Variants in MKS1 observed in about 807,000 individuals in gnomAD.
MKS1 encodes tectonic-like complex member MKS1.
In MKS1, 70 loss-of-function variants were observed where a neutral mutation model predicts 83.7. The ratio of observed to expected loss-of-function variants is 0.84; its 90% CI spans 0.69 to 1.02. The LOEUF (loss-of-function observed/expected upper bound fraction) is 1.02, where lower values mean the gene tolerates loss of function less well. Ranked by LOEUF, MKS1 falls within the 50% of genes least tolerant of loss-of-function variation. The probability of loss-of-function intolerance (pLI) is 0.00; values close to 1 mark genes in which losing one functional copy is unlikely to be tolerated. For synonymous variants in MKS1, 251 were observed against 273.4 expected (o/e 0.92, Z 0.81); for missense variants, 681 against 726.9 (o/e 0.94, Z 0.73).
chr17:58,207,465 C>G (rs1225065124), intron 14 of MKS1: 2 of 583,946 alleles, frequency 3.4e-6, no homozygotes, highest in African/African-American at 3.7e-5. Context: ...CTCTCTGAAG[C>G]TCATTCTCCT....
chr17:58,213,097 G>C lies in MKS1; in HGVS notation c.750-7C>G. 1 of 1,613,638 alleles carries C rather than the reference G, an allele frequency of 6.2e-7. No homozygotes were observed. The highest frequency in any genetic ancestry group is 8.5e-7 in the Non-Finnish European group (1 of 1,179,584). ...CTCCCCCTCCGTCTCAATCCTGTAA[G>C]GTCAAAACCACAGAAAGGAGCAACT... On this transcript the variant is annotated splice_region_variant and splice_polypyrimidine_tract_variant and intron_variant, in intron 7 of 17. Coordinates refer to ENST00000393119, the MANE Select transcript of MKS1 (RefSeq NM_017777.4).
chr17:58,218,434 C>G lies in MKS1; in HGVS notation c.190+186G>C, dbSNP rs1249361575. On this transcript the variant is annotated intron_variant, in intron 2 of 17. Coordinates refer to ENST00000393119, the MANE Select transcript of MKS1 (RefSeq NM_017777.4). ...CTGCACTTCAGCCTGGGGGAAAGAG[C>G]AAGACTCCGTCTCAAAAAAAAAAAA... 5 of 403,138 alleles carry G rather than the reference C, an allele frequency of 1.2e-5. No individual in the cohort carries two copies. In the African/African-American group the frequency reaches 1.5e-4, roughly 12 times the overall value. 25.0% of individuals were successfully genotyped at this position (403,138 alleles called of 1,614,324 possible). A position where few individuals can be genotyped will look rare whatever the true frequency, so the allele number is the denominator to read the frequency against.
chr17:58,206,367 A>G lies in MKS1; in HGVS notation c.1504T>C (p.Ser502Pro), dbSNP rs1968507983. Reference sequence around the variant, plus strand: ...CGCATCCTTTTCTGAAGGGAGCTCGATTCCATGAAGGCCCTGCAGGGAGGC... The same window carrying G: ...CGCATCCTTTTCTGAAGGGAGCTCGGTTCCATGAAGGCCCTGCAGGGAGGC... ...CLQQSRAFME[S>P]SSLQKRMRSV... is the part of the protein sequence containing the mutation. The change falls in exon 17 of 18, where the codon TCG becomes CCG. Residue 502 changes from serine (S) to proline (P), a missense_variant. Ser to Pro is a moderately conservative substitution (Grantham distance 74). Transcript: ENST00000393119. 2 of 1,614,042 alleles carry G rather than the reference A, an allele frequency of 1.2e-6. No homozygotes were observed. The highest frequency in any genetic ancestry group is 4.5e-5 in the East Asian group (2 of 44,830).
In MKS1 at chr17:58,205,963, C is replaced by G. The variant is rs1487105083; in HGVS notation, c.*116G>C. The G allele has an allele frequency of 7.8e-6, 12 of 1,528,808 alleles. No individual in the cohort carries two copies. Among genetic ancestry groups the G allele is most frequent in the Non-Finnish European group, 1.1e-5 (12 of 1,141,052 alleles). 94.7% of individuals were successfully genotyped at this position (1,528,808 alleles called of 1,614,324 possible). A position where few individuals can be genotyped will look rare whatever the true frequency, so the allele number is the denominator to read the frequency against. ...GCCAGCCGGGAATTTCCCAGCTTTT[C>G]TGGTTCTCAGCAGACCAACGTGGTC... On this transcript the variant is annotated 3_prime_UTR_variant, in exon 18 of 18. Coordinates refer to ENST00000393119, the MANE Select transcript of MKS1 (RefSeq NM_017777.4).
chr17:58,213,183 A>G, intron 7 of MKS1, 93 bp from the exon 8 acceptor site: 1 of 1,193,450 alleles, frequency 8.4e-7, no homozygotes, highest in African/African-American at 1.5e-5. Context: ...ATCAGGGGCC[A>G]TACACCTCAC....
chr17:58,217,547 G>A (rs72839967), intron 2 of MKS1, among the ~76,000 whole-genome samples: 6,731 of 152,260 alleles, frequency 0.044, 199 homozygotes, highest in Non-Finnish European at 0.067. Flanking sequence ...AGTGACTCAC[G>A]CCTGTAATCC....
At chr17:58,213,145 G>C (rs939162384) in intron 7 of MKS1, 55 bp from the exon 8 acceptor site, 14 of 1,542,938 alleles carry the variant, frequency 9.1e-6, no homozygotes, top group Admixed American at 1.7e-5. Flanking sequence ...GATGGGCCCT[G>C]GGATAGCTCC....
intron 15 of MKS1, 80 bp downstream of exon 15, chr17:58,207,005 T>C: frequency 6.3e-7 from 1 of 1,593,760 alleles, no homozygotes; most frequent in Non-Finnish European, 8.6e-7. Flanking sequence ...AACTAAGGGG[T>C]CTTGACCCAG....
chr17:58,207,725 T>C, intron 14 of MKS1, 169 bp downstream of exon 14: 1 of 705,168 alleles, frequency 1.4e-6, no homozygotes, highest in South Asian at 1.6e-5. Flanking sequence ...GCCACGTCAT[T>C]GTCGCTAATG....
At chr17:58,212,321 G>A in intron 9 of MKS1, 57 bp downstream of exon 9, 1 of 1,599,624 alleles carries the variant, frequency 6.3e-7, no homozygotes, top group Non-Finnish European at 8.6e-7. Flanking sequence ...CTCATCCACA[G>A]TCAGAATGCT....
chr17:58,208,238 A>G, intron 12 of MKS1, 64 bp from the exon 13 acceptor site: 3 of 1,418,502 alleles, frequency 2.1e-6, no homozygotes, highest in South Asian at 1.2e-5. Context: ...CTTGTGGCCA[A>G]TGACAAGGTT....
chr17:58,215,016 T>G (rs1293015541), intron 4 of MKS1, 178 bp from the exon 5 acceptor site: 1 of 897,174 alleles, frequency 1.1e-6, no homozygotes, highest in Non-Finnish European at 1.7e-6. Context: ...AAAGAAGATT[T>G]CTACCACATC....
At chr17:58,213,379 C>T (rs751339749) in intron 7 of MKS1, among the ~76,000 whole-genome samples, 1 of 152,144 alleles carries the variant, frequency 6.6e-6, no homozygotes, top group Non-Finnish European at 1.5e-5. Flanking sequence ...GAAAAATGGA[C>T]AGGTTGGGCC....
At chr17:58,214,955 G>A (rs950758947) in intron 4 of MKS1, 117 bp from the exon 5 acceptor site, 20 of 1,482,472 alleles carry the variant, frequency 1.3e-5, no homozygotes, top group African/African-American at 4.2e-5. Flanking sequence ...CACAGGTTCC[G>A]CCACCTCACA....
intron 2 of MKS1, among the ~76,000 whole-genome samples, chr17:58,217,196 C>T (rs1969269749): frequency 2.0e-5 from 3 of 152,216 alleles, no homozygotes; most frequent in South Asian, 4.1e-4. Flanking sequence ...GCCATGTTAG[C>T]CAGGCTGATC....
intron 14 of MKS1, 49 bp from the exon 15 acceptor site, chr17:58,207,267 G>T (rs1968577927): frequency 1.2e-6 from 2 of 1,611,078 alleles, no homozygotes; most frequent in Non-Finnish European, 8.5e-7. Context: ...AGGGCATGTG[G>T]CCCCTCACTG....
Position 58,205,634 on chromosome 17 carries a change from T to C in MKS1, c.*445A>G. 1 of 1,307,170 alleles carries C rather than the reference T, an allele frequency of 7.7e-7. No individual in the cohort carries two copies. Among genetic ancestry groups the C allele is most frequent in the Non-Finnish European group, 1.0e-6 (1 of 991,002 alleles). 81.0% of individuals were successfully genotyped at this position (1,307,170 alleles called of 1,614,324 possible). ...GGCTTCCCTGGAAAGAGGCTGAGAC[T>C]CACAGGCTGGGGATTTAAGACCCTC... On this transcript the variant is annotated 3_prime_UTR_variant, in exon 18 of 18. Coordinates refer to ENST00000393119, the MANE Select transcript of MKS1 (RefSeq NM_017777.4).
chr17:58,213,098 G>T lies in MKS1; in HGVS notation c.750-8C>A, dbSNP rs1323177668. On this transcript the variant is annotated splice_region_variant and splice_polypyrimidine_tract_variant and intron_variant, in intron 7 of 17. Coordinates refer to ENST00000393119, the MANE Select transcript of MKS1 (RefSeq NM_017777.4). ...TCCCCCTCCGTCTCAATCCTGTAAG[G>T]TCAAAACCACAGAAAGGAGCAACTC... The T allele has an allele frequency of 1.2e-6, 2 of 1,613,370 alleles. No individual in the cohort carries two copies. Among genetic ancestry groups the T allele is most frequent in the Admixed American group, 1.7e-5 (1 of 60,000 alleles).
chr17:58,208,259 G>T, intron 12 of MKS1, 85 bp from the exon 13 acceptor site: 1 of 1,312,774 alleles, frequency 7.6e-7, no homozygotes, highest in Non-Finnish European at 1.1e-6. Context: ...ATCTTCACAA[G>T]GGAAAAAGAA....
Sources: allele counts gnomAD v4.1 joint callset (sites outside exome capture counted in the v4.1 genomes callset), GRCh38; gene constraint gnomAD v4.1.1; transcripts MANE v1.5; gene names NCBI Gene and HGNC (gene_info 2026-07-23, HGNC 2026-07-21).